PDK1: variants seen among roughly 807,000 people sequenced by gnomAD.
The protein encoded by PDK1 is [Pyruvate dehydrogenase (acetyl-transferring)] kinase isozyme 1, mitochondrial.
In PDK1, 39 loss-of-function variants were observed where a neutral mutation model predicts 54.2. The ratio of observed to expected loss-of-function variants is 0.72; its 90% CI spans 0.56 to 0.94. PDK1 has a LOEUF of 0.94. Ranked by LOEUF, PDK1 falls within the 40% of genes least tolerant of loss-of-function variation. The probability of loss-of-function intolerance (pLI) is 0.00; values close to 1 mark genes in which losing one functional copy is unlikely to be tolerated. For synonymous variants in PDK1, 221 were observed against 207.1 expected, an observed-to-expected ratio of 1.07 and a Z score of -0.58; for missense variants, 552 against 566.0, an observed-to-expected ratio of 0.98 and a Z score of 0.25.
intron 3 of PDK1, chr2:172,562,893 G>T: frequency 8.7e-7 from 1 of 1,150,100 alleles, no homozygotes; most frequent in South Asian, 1.4e-5. Flanking sequence ...GCAGTGAAGG[G>T]TACTGAGAGT....
At chr2:172,715,205 C>G in the PDK1 span, among the ~76,000 whole-genome samples, 1 of 152,292 alleles carries the variant, frequency 6.6e-6, no homozygotes, top group Admixed American at 6.5e-5. Context: ...ACTGACACCC[C>G]AGGCCAAGAC....
In PDK1 at chr2:172,601,918, AT is replaced by A. The variant is rs1691129385; in HGVS notation, c.*5953del. The stretch of plus-strand genomic sequence containing the variant: ...GAATACCATTAACTTTATGATAAAA[AT>A]TTTGTAAGTGGAGAAGAAATGGATA... On this transcript the variant is annotated 3_prime_UTR_variant, in exon 11 of 11. Coordinates refer to ENST00000282077, the MANE Select transcript of PDK1 (RefSeq NM_002610.5). The A allele has an allele frequency of 6.6e-6, 1 of 152,206 alleles. No homozygotes were observed. Among genetic ancestry groups the A allele is most frequent in the African/African-American group, 2.4e-5 (1 of 41,448 alleles). 9.4% of individuals were successfully genotyped at this position (152,206 alleles called of 1,614,324 possible).
intron 5 of PDK1, among the ~76,000 whole-genome samples, chr2:172,566,538 T>C (rs1416334345): frequency 1.3e-5 from 2 of 151,614 alleles, no homozygotes; most frequent in African/African-American, 4.9e-5. Flanking sequence ...GCCTGGTTGA[T>C]CGAGACTCCG....
At chr2:172,622,652 C>CATT in the PDK1 span, among the ~76,000 whole-genome samples, 5 of 126,672 alleles carry the variant, frequency 3.9e-5, no homozygotes, top group Admixed American at 3.1e-4. Flanking sequence ...GTTTATATCT[C>CATT]ATGTGAGATA....
At chr2:172,716,366 G>C in the PDK1 span, among the ~76,000 whole-genome samples, 2 of 151,512 alleles carry the variant, frequency 1.3e-5, no homozygotes, top group South Asian at 2.1e-4. Context: ...AGACAGTCTT[G>C]CTCTGTTGCC....
At chr2:172,699,633 G>C in the PDK1 span, among the ~76,000 whole-genome samples, 1 of 151,898 alleles carries the variant, frequency 6.6e-6, no homozygotes, top group Non-Finnish European at 1.5e-5. Flanking sequence ...TTTTCCTGCT[G>C]TCTAGCATAG....
chr2:172,587,630 G>A (rs1690324123), intron 9 of PDK1, among the ~76,000 whole-genome samples: 1 of 151,276 alleles, frequency 6.6e-6, no homozygotes, highest in Non-Finnish European at 1.5e-5. Flanking sequence ...TCTACAGCCT[G>A]GAAGGGTACC....
At chr2:172,570,910 T>C (rs774721587) in intron 8 of PDK1, 86 bp downstream of exon 8, 5 of 724,182 alleles carry the variant, frequency 6.9e-6, no homozygotes, top group African/African-American at 3.8e-5. Context: ...GCATAATTTC[T>C]AAAAGACATA....
chr2:172,688,157 G>C, the PDK1 span, among the ~76,000 whole-genome samples: 13 of 152,212 alleles, frequency 8.5e-5, no homozygotes, highest in Non-Finnish European at 1.0e-4. Flanking sequence ...ATGTAGGACA[G>C]GATAGCACCT....
At chr2:172,592,635 C>T (rs1690664001) in intron 9 of PDK1, among the ~76,000 whole-genome samples, 1 of 152,152 alleles carries the variant, frequency 6.6e-6, no homozygotes, top group East Asian at 1.9e-4. Context: ...CAATTCCAGA[C>T]ACAATACGAC....
the PDK1 span, among the ~76,000 whole-genome samples, chr2:172,702,605 T>G: frequency 2.6e-5 from 2 of 75,582 alleles, no homozygotes; most frequent in African/African-American, 1.7e-4. Flanking sequence ...CCTAACTGCC[T>G]TTTTTTTTTT....
chr2:172,571,538 G>T (rs575101267), intron 8 of PDK1, among the ~76,000 whole-genome samples: 17 of 152,168 alleles, frequency 1.1e-4, no homozygotes, highest in Middle Eastern at 6.8e-3. Context: ...CTAATTAAAA[G>T]AATTTTTTGG....
the PDK1 span, among the ~76,000 whole-genome samples, chr2:172,681,549 A>T: frequency 1.3e-5 from 2 of 152,170 alleles, no homozygotes. Flanking sequence ...TTCATTGAGC[A>T]CCTATTATGG....
At chr2:172,655,347 G>A in the PDK1 span, among the ~76,000 whole-genome samples, 4 of 56,900 alleles carry the variant, frequency 7.0e-5, no homozygotes, top group Non-Finnish European at 1.6e-4. Context: ...TGAACAAATC[G>A]TGGTTTTTAT....
rs745678398 is a variant in PDK1 at position 172,595,847 on chromosome 2, A to G, written c.1189A>G (p.Ile397Val). ...IYIKALSTDS[I>V]ERLPVYNKAA... Reference sequence around the variant, plus strand: ...TTTTCAGGCTCTGTCAACAGACTCAATAGAAAGACTCCCAGTGTATAACAA... The same window carrying G: ...TTTTCAGGCTCTGTCAACAGACTCAGTAGAAAGACTCCCAGTGTATAACAA... The change falls in exon 11 of 11, where the codon ATA (isoleucine) becomes GTA (valine). Residue 397 changes from isoleucine to valine, a missense_variant. Transcript: ENST00000282077. 9.3e-6 allele frequency: 15 copies of G among 1,613,902 alleles called. No individual in the cohort carries two copies. In the East Asian group the frequency reaches 2.0e-4, roughly 22 times the overall value.
At chr2:172,641,954 C>T in the PDK1 span, among the ~76,000 whole-genome samples, 1 of 152,098 alleles carries the variant, frequency 6.6e-6, no homozygotes, top group Non-Finnish European at 1.5e-5. Context: ...AACCTTTGTC[C>T]TGAGGCTGCT....
the PDK1 span, among the ~76,000 whole-genome samples, chr2:172,630,560 C>T: frequency 6.6e-6 from 1 of 152,082 alleles, no homozygotes; most frequent in African/African-American, 2.4e-5. Context: ...TCTTATCTAC[C>T]ATGTCCTTCA....
the PDK1 span, among the ~76,000 whole-genome samples, chr2:172,640,051 G>T: frequency 6.6e-6 from 1 of 152,342 alleles, no homozygotes; most frequent in Middle Eastern, 3.4e-3. Context: ...ATGGACCAAG[G>T]AGATAGGACT....
chr2:172,664,482 C>G, the PDK1 span, among the ~76,000 whole-genome samples: 1 of 151,930 alleles, frequency 6.6e-6, no homozygotes, highest in East Asian at 1.9e-4. Context: ...AATAGTTTTA[C>G]TAGGTTCTGC....
Sources: allele counts gnomAD v4.1 joint callset (sites outside exome capture counted in the v4.1 genomes callset), GRCh38; gene constraint gnomAD v4.1.1; transcripts MANE v1.5; gene names NCBI Gene and HGNC (gene_info 2026-07-23, HGNC 2026-07-21).